Variants in MYBPHL observed in about 807,000 individuals in gnomAD.
MYBPHL encodes myosin binding protein H like.
MYBPHL carries 32 observed loss-of-function variants against 39.5 expected under a neutral mutation model. The ratio of observed to expected loss-of-function variants is 0.81; its 90% confidence interval spans 0.61 to 1.09. The LOEUF (loss-of-function observed/expected upper bound fraction) is 1.09. MYBPHL is among the 50% of genes least tolerant of loss of function. The probability of loss-of-function intolerance (pLI) is 0.00; values close to 1 mark genes in which losing one functional copy is unlikely to be tolerated. For synonymous variants in MYBPHL, 196 were observed against 183.7 expected (o/e 1.07, Z -0.54); for missense variants, 456 against 460.2 (o/e 0.99, Z 0.08).
In MYBPHL at chr1:109,296,912, G is replaced by T; in HGVS notation, c.601C>A (p.Arg201Ser). The stretch of plus-strand genomic sequence containing the variant: ...AGGTCAGAGACGATGCAGCTGGTGC[G>T]GTGATAGTGCTCCAGCACCGTGAAC... ...LWFTVLEHYH[R>S]TSCIVSDLII... The change falls in exon 5 of 9, where the codon CGC (arginine) becomes AGC (serine). Residue 201 changes from arginine (R) to serine (S), a missense_variant. Physicochemically the swap from Arg to Ser is moderately radical, Grantham distance 110. Coordinates refer to ENST00000357155, the MANE Select transcript of MYBPHL (RefSeq NM_001010985.3). The T allele has an allele frequency of 1.2e-6, 2 of 1,614,130 alleles. No homozygotes were observed. The highest frequency in any genetic ancestry group is 1.7e-6 in the Non-Finnish European group (2 of 1,180,014).
intron 7 of MYBPHL, among the ~76,000 whole-genome samples, chr1:109,294,562 T>TTATAAAA (rs1440101113): frequency 2.0e-5 from 3 of 152,172 alleles, no homozygotes; most frequent in Non-Finnish European, 4.4e-5. Context: ...AAATAGATAA[T>TTATAAAA]TATAAAACAG....
At chr1:109,294,375 T>A in intron 7 of MYBPHL, 126 bp from the exon 8 acceptor site, 1 of 830,032 alleles carries the variant, frequency 1.2e-6, no homozygotes, top group Non-Finnish European at 2.0e-6. Context: ...AATTAGGTAG[T>A]CTATACATAG....
chr1:109,306,960 G>T lies in MYBPHL; in HGVS notation c.32C>A (p.Ala11Glu), dbSNP rs752249870. The change falls in exon 1 of 9, where the codon GCA becomes GAA. Residue 11 changes from alanine to glutamate, a missense_variant. Physicochemically the swap from Ala to Glu is moderately radical, Grantham distance 107. Coordinates refer to ENST00000357155, the MANE Select transcript of MYBPHL (RefSeq NM_001010985.3). ...TTCTTTCACCTTCAGCTTGGATCCTGCGGCCACCTCCGGAGCTGTGGCTGC... is the reference window on the plus strand; with the variant it reads ...TTCTTTCACCTTCAGCTTGGATCCTTCGGCCACCTCCGGAGCTGTGGCTGC... MEAATAPEVA[A>E]GSKLKVKEAS... The T allele has an allele frequency of 6.2e-7, 1 of 1,610,944 alleles. No homozygotes were observed. Among genetic ancestry groups the T allele is most frequent in the East Asian group, 2.2e-5 (1 of 44,456 alleles).
intron 6 of MYBPHL, 65 bp from the exon 7 acceptor site, chr1:109,295,362 G>T: frequency 6.8e-7 from 1 of 1,460,772 alleles, no homozygotes. Context: ...GTCTTTCTGT[G>T]CTCAGTTTCT....
intron 1 of MYBPHL, among the ~76,000 whole-genome samples, chr1:109,304,398 C>A (rs1368824253): frequency 6.6e-6 from 1 of 152,210 alleles, no homozygotes; most frequent in Non-Finnish European, 1.5e-5. Context: ...TGAAAGAGAA[C>A]ACAGAGTCAG....
At position 109,293,469 on chromosome 1, in the gene MYBPHL, C is replaced by T. The variant is rs569541468; in HGVS notation, c.*33+737G>A. Among the ~76,000 whole-genome samples, 15 of 152,226 alleles carry T rather than the reference C, an allele frequency of 9.9e-5. No homozygotes were observed. In the East Asian group the frequency reaches 2.5e-3, roughly 25 times the overall value. On this transcript the variant is annotated intron_variant, in intron 8 of 8. Coordinates refer to ENST00000357155, the MANE Select transcript of MYBPHL (RefSeq NM_001010985.3). ...TTAAAAATGGTTACAACAGGCTGGG[C>T]GCAGTGGCTCACGCCTGTAATCCCA...
chr1:109,292,913 A>G (rs1305700584), intron 8 of MYBPHL: 2 of 152,190 alleles, frequency 1.3e-5, no homozygotes, highest in Admixed American at 6.5e-5. Flanking sequence ...AACATAGCTA[A>G]TGTGAATGAC....
chr1:109,298,050 C>A, intron 2 of MYBPHL, 119 bp downstream of exon 2: 1 of 847,610 alleles, frequency 1.2e-6, no homozygotes, highest in Non-Finnish European at 1.8e-6. Context: ...TGGTGTGACC[C>A]CTTCTATCCA....
intron 1 of MYBPHL, among the ~76,000 whole-genome samples, chr1:109,300,863 C>T (rs1029110838): frequency 1.3e-5 from 2 of 152,130 alleles, no homozygotes; most frequent in African/African-American, 2.4e-5. Context: ...GACAAGATGA[C>T]GAAACTTAAG....
intron 1 of MYBPHL, 111 bp downstream of exon 1, chr1:109,306,734 CTA>C: frequency 1.1e-6 from 1 of 897,188 alleles, no homozygotes; most frequent in Non-Finnish European, 1.6e-6. Context: ...ATCACCAATC[CTA>C]TAGAGTCTTT....
chr1:109,306,493 C>T (rs1249813053), intron 1 of MYBPHL, among the ~76,000 whole-genome samples: 2 of 152,158 alleles, frequency 1.3e-5, no homozygotes, highest in Admixed American at 6.5e-5. Flanking sequence ...TATCTCTTAC[C>T]CCTCAGTCCC....
At chr1:109,298,778 C>G (rs1003506523) in intron 1 of MYBPHL, among the ~76,000 whole-genome samples, 6 of 152,168 alleles carry the variant, frequency 3.9e-5, no homozygotes, top group Non-Finnish European at 8.8e-5. Flanking sequence ...ACGGAGACAA[C>G]ACTGATGTCA....
chr1:109,299,153 G>T (rs1371892546), intron 1 of MYBPHL, among the ~76,000 whole-genome samples: 1 of 152,164 alleles, frequency 6.6e-6, no homozygotes, highest in Non-Finnish European at 1.5e-5. Flanking sequence ...CCATTTTCTG[G>T]CCTTTTCCTG....
intron 1 of MYBPHL, among the ~76,000 whole-genome samples, chr1:109,299,975 G>C (rs1658225747): frequency 6.6e-6 from 1 of 152,220 alleles, no homozygotes; most frequent in South Asian, 2.1e-4. Flanking sequence ...TTTTGAAAAA[G>C]AGGGCCGTAC....
chr1:109,293,731 C>T (rs1446254068), intron 8 of MYBPHL, among the ~76,000 whole-genome samples: 2 of 139,618 alleles, frequency 1.4e-5, no homozygotes, highest in Non-Finnish European at 3.1e-5. Context: ...CAAAGCGAGA[C>T]TCTGTCTCAA....
chr1:109,293,759 A>ATAAT (rs34105924), intron 8 of MYBPHL, among the ~76,000 whole-genome samples: 9,699 of 149,038 alleles, frequency 0.065, 339 homozygotes, highest in African/African-American at 0.074. Context: ...AAATAAATAA[A>ATAAT]TAAATATAAA....
In MYBPHL at chr1:109,297,418, G is replaced by T; in HGVS notation, c.430+4C>A. On this transcript the variant is annotated splice_donor_region_variant and intron_variant, in intron 3 of 8. Coordinates refer to ENST00000357155, the MANE Select transcript of MYBPHL (RefSeq NM_001010985.3). Reference sequence around the variant, plus strand: ...CCCCCCATCTCCCACTTCCCCCACCGTACCAATCACCAGGATGTCAATGGT... The same window carrying T: ...CCCCCCATCTCCCACTTCCCCCACCTTACCAATCACCAGGATGTCAATGGT... The T allele has an allele frequency of 6.2e-7, 1 of 1,610,220 alleles. No homozygotes were observed. Among genetic ancestry groups the T allele is most frequent in the Non-Finnish European group, 8.5e-7 (1 of 1,178,526 alleles).
At chr1:109,294,381 C>T in intron 7 of MYBPHL, 132 bp from the exon 8 acceptor site, 2 of 784,558 alleles carry the variant, frequency 2.5e-6, no homozygotes, top group Non-Finnish European at 4.3e-6. Context: ...GTAGTCTATA[C>T]ATAGAGAAGA....
intron 5 of MYBPHL, among the ~76,000 whole-genome samples, 154 bp downstream of exon 5, chr1:109,296,629 A>G (rs1406528618): frequency 1.3e-5 from 2 of 151,884 alleles, no homozygotes; most frequent in African/African-American, 4.8e-5. Flanking sequence ...AGTAGAGATG[A>G]GGTTTCACCA....
Sources: allele counts gnomAD v4.1 joint callset (sites outside exome capture counted in the v4.1 genomes callset), GRCh38; gene constraint gnomAD v4.1.1; transcripts MANE v1.5; gene names NCBI Gene and HGNC (gene_info 2026-07-23, HGNC 2026-07-21).